SLC11A2: variants seen among roughly 807,000 people sequenced by gnomAD.
SLC11A2 encodes the protein solute carrier family 11 member 2.
A neutral mutation model predicts 68.0 loss-of-function variants in SLC11A2; 38 were observed. The observed-to-expected ratio is 0.56, with a 90% CI of 0.43 to 0.73. The LOEUF (loss-of-function observed/expected upper bound fraction) is 0.73, where lower values mean the gene tolerates loss of function less well. Ranked by LOEUF, SLC11A2 falls within the 30% of genes least tolerant of loss-of-function variation. The pLI is 0.00. For synonymous variants in SLC11A2, 242 were observed against 250.6 expected, an observed-to-expected ratio of 0.97 and a Z score of 0.32; for missense variants, 517 against 690.5, an observed-to-expected ratio of 0.75 and a Z score of 2.82.
chr12:51,008,201 TC>T (rs2076733), intron 3 of SLC11A2: 4,929 of 359,084 alleles, frequency 0.014, 232 homozygotes, highest in African/African-American at 0.097. Context: ...CAAGACCCTG[TC>T]TGTAAAAAAG....
the SLC11A2 span, among the ~76,000 whole-genome samples, chr12:50,956,996 T>C: frequency 6.6e-6 from 1 of 151,990 alleles, no homozygotes; most frequent in East Asian, 1.9e-4. Context: ...TGTTATTTTT[T>C]TTTTTGCTGT....
At chr12:51,022,602 C>T (rs935723417) in intron 1 of SLC11A2, among the ~76,000 whole-genome samples, 3 of 152,032 alleles carry the variant, frequency 2.0e-5, no homozygotes, top group African/African-American at 7.2e-5. Context: ...ATATTGGCTC[C>T]CAAATGATGT....
At chr12:51,020,667 T>C (rs1233760415) in intron 1 of SLC11A2, among the ~76,000 whole-genome samples, 4 of 152,206 alleles carry the variant, frequency 2.6e-5, no homozygotes, top group African/African-American at 9.6e-5. Context: ...GTTCCACATT[T>C]GTGGTTTCAA....
chr12:51,004,910 A>G lies in SLC11A2; in HGVS notation c.310-3T>C, dbSNP rs1942589666. 6.2e-7 allele frequency: 1 copy of G among 1,613,884 alleles called. No homozygotes were observed. The highest frequency in any genetic ancestry group is 1.3e-5 in the African/African-American group (1 of 74,948). ...GCCAACAGAAGGATCCAGAGCAACT[A>G]AGAAGAACAAAATCTCCTGTAACAC... On this transcript the variant is annotated splice_region_variant and splice_polypyrimidine_tract_variant and intron_variant, in intron 4 of 15. Coordinates refer to ENST00000262052, the MANE Select transcript of SLC11A2 (RefSeq NM_000617.3).
chr12:50,972,687 G>T, the SLC11A2 span, among the ~76,000 whole-genome samples: 1 of 152,252 alleles, frequency 6.6e-6, no homozygotes, highest in East Asian at 1.9e-4. Context: ...CCGAAGCAGG[G>T]CGAGGCATCG....
intron 11 of SLC11A2, 59 bp from the exon 12 acceptor site, chr12:50,992,988 A>G (rs1941324922): frequency 1.2e-5 from 20 of 1,602,172 alleles, no homozygotes; most frequent in Non-Finnish European, 1.6e-5. Flanking sequence ...GACAATATCC[A>G]AAACAGCAGT....
At chr12:51,025,789 G>C (rs973803822) in intron 1 of SLC11A2, 1 of 985,894 alleles carries the variant, frequency 1.0e-6, no homozygotes, top group Non-Finnish European at 1.2e-6. Context: ...ACTGAGCCGC[G>C]TATGCAGGCT....
chr12:51,012,870 C>T lies in SLC11A2; in HGVS notation c.-38-2104G>A, dbSNP rs562465782. On this transcript the variant is annotated intron_variant, in intron 1 of 15. Coordinates refer to ENST00000262052, the MANE Select transcript of SLC11A2 (RefSeq NM_000617.3). ...CAATAATACTGACTAAATTCAACCCCTCTTTCAGTCAATGACAATAGCACC... is the reference window on the plus strand; with the variant it reads ...CAATAATACTGACTAAATTCAACCCTTCTTTCAGTCAATGACAATAGCACC... Among the ~76,000 whole-genome samples, 14 of 152,316 alleles carry T rather than the reference C, an allele frequency of 9.2e-5. No homozygotes were observed. In the East Asian group the frequency reaches 1.3e-3, roughly 15 times the overall value.
the SLC11A2 span, among the ~76,000 whole-genome samples, chr12:50,962,529 A>C: frequency 6.6e-6 from 1 of 151,910 alleles, no homozygotes; most frequent in Non-Finnish European, 1.5e-5. Flanking sequence ...GTGAAACCCT[A>C]TCTCTACTAA....
At chr12:50,958,976 C>T in the SLC11A2 span, among the ~76,000 whole-genome samples, 1 of 151,618 alleles carries the variant, frequency 6.6e-6, no homozygotes, top group Non-Finnish European at 1.5e-5. Context: ...GAGATTGTAC[C>T]ACTTCACTGC....
Position 51,005,381 on chromosome 12 carries a change from A to G in SLC11A2, c.239T>C (p.Met80Thr), listed in dbSNP as rs1191232488. The change falls in exon 4 of 16, where the codon ATG becomes ACG. Residue 80 changes from methionine (M) to threonine (T), a missense_variant. Transcript: ENST00000262052. The part of the protein sequence containing the change: ...LWAFTGPGFL[M>T]SIAYLDPGNI... The stretch of plus-strand genomic sequence containing the variant: ...TCCTGGATCCAGGTAGGCAATGCTC[A>G]TAAGAAAACCTGGTCCGGTGAAAGC... The G allele has an allele frequency of 6.2e-7, 1 of 1,614,102 alleles. No individual in the cohort carries two copies. The highest frequency in any genetic ancestry group is 1.3e-5 in the African/African-American group (1 of 75,056).
intron 2 of SLC11A2, chr12:51,009,301 T>C (rs529571902): frequency 7.8e-7 from 1 of 1,288,254 alleles, no homozygotes; most frequent in Non-Finnish European, 9.8e-7. Context: ...GGCACCCTCG[T>C]GATGGCAGGG....
chr12:51,004,827 C>A lies in SLC11A2; in HGVS notation c.390G>T (p.Gly130=), dbSNP rs756522983. The A allele has an allele frequency of 4.3e-6, 7 of 1,613,944 alleles. No homozygotes were observed. The highest frequency in any genetic ancestry group is 5.9e-6 in the Non-Finnish European group (7 of 1,179,970). ...GGTGACATACTTCAGCAAGATGCAG[C>A]CCAGTAACCACTCCCAGTCTAGCTG... The part of the protein sequence containing the change: ...RLAARLGVVT[G]LHLAEVCHRQ... Residue 130 remains glycine, a synonymous_variant, in exon 5 of 16, where the codon GGG becomes GGT. Coordinates refer to ENST00000262052, the MANE Select transcript of SLC11A2 (RefSeq NM_000617.3).
chr12:50,993,137 T>G (rs1941341497), intron 11 of SLC11A2: 1 of 594,630 alleles, frequency 1.7e-6, no homozygotes, highest in African/African-American at 1.9e-5. Flanking sequence ...GCTCCTTCGT[T>G]TCTCTGCCTA....
In SLC11A2 at chr12:50,988,133, T is replaced by C; in HGVS notation, c.*192A>G. ...TTCAAAGATCCCACCCTAATCCAGT[T>C]CTAAGGTTAGGTCAGGAAGGAAAAA... is the stretch of plus-strand genomic sequence containing the variant. On this transcript the variant is annotated 3_prime_UTR_variant, in exon 16 of 16. Coordinates refer to ENST00000262052, the MANE Select transcript of SLC11A2 (RefSeq NM_000617.3). 6.6e-7 allele frequency: 1 copy of C among 1,504,420 alleles called. No homozygotes were observed. Among genetic ancestry groups the C allele is most frequent in the Non-Finnish European group, 8.9e-7 (1 of 1,127,562 alleles). The allele number at this position is 1,504,420 out of a possible 1,614,324, so 93.2% of individuals were successfully genotyped here. A position where few individuals can be genotyped will look rare whatever the true frequency, so the allele number is the denominator to read the frequency against.
intron 11 of SLC11A2, 99 bp from the exon 12 acceptor site, chr12:50,993,028 T>C (rs1941326946): frequency 1.4e-6 from 2 of 1,412,226 alleles, no homozygotes; most frequent in South Asian, 1.2e-5. Context: ...TTCTTTGCTA[T>C]GCACCACCAA....
downstream of SLC11A2, among the ~76,000 whole-genome samples, chr12:50,975,424 G>C (rs1216735411): frequency 1.3e-5 from 2 of 152,160 alleles, no homozygotes; most frequent in East Asian, 3.8e-4. Context: ...CAGAAATAAA[G>C]ATGTTCTTTG....
the SLC11A2 span, chr12:50,954,263 C>T: frequency 2.1e-6 from 1 of 472,036 alleles, no homozygotes; most frequent in Non-Finnish European, 3.7e-6. Flanking sequence ...ACATGGTAAG[C>T]CCCCAGTAAA....
chr12:51,021,626 CAAA>C (rs11437647), intron 1 of SLC11A2, among the ~76,000 whole-genome samples: 1 of 141,844 alleles, frequency 7.1e-6, no homozygotes. Context: ...GACCCTGTCT[CAAA>C]AAAAAAAAAA....
Sources: allele counts gnomAD v4.1 joint callset (sites outside exome capture counted in the v4.1 genomes callset), GRCh38; gene constraint gnomAD v4.1.1; transcripts MANE v1.5; gene names NCBI Gene and HGNC (gene_info 2026-07-23, HGNC 2026-07-21).